TAS1R2: variants seen among roughly 807,000 people sequenced by gnomAD.
TAS1R2 encodes the protein taste 1 receptor member 2, also known as taste receptor type 1 member 2.
Under a neutral mutation model 49.3 loss-of-function variants are expected in TAS1R2, and 47 were observed. That is an observed-to-expected ratio of 0.95 (90% confidence interval 0.75 to 1.22). TAS1R2 has a LOEUF of 1.22. TAS1R2 is among the 50% of genes most tolerant of loss of function. The pLI, the probability that TAS1R2 is intolerant of heterozygous loss-of-function variation, is 0.00. For synonymous variants in TAS1R2, 479 were observed against 467.9 expected (o/e 1.02, Z -0.31); for missense variants, 1,155 against 1,122.1 (o/e 1.03, Z -0.42).
At chr1:18,849,268 G>A (rs1350314404) in intron 4 of TAS1R2, 73 bp downstream of exon 4, 7 of 1,511,950 alleles carry the variant, frequency 4.6e-6, no homozygotes, top group Non-Finnish European at 6.4e-6. Context: ...CTAATGAAAA[G>A]GGCCCTAGCC....
exon 6 of TAS1R2, chr1:18,839,934 G>A (rs1933784654): frequency 1.2e-6 from 2 of 1,614,124 alleles, no homozygotes; most frequent in South Asian, 1.1e-5. Context: ...GTGTTGAACA[G>A]CAGGCTGTTG....
chr1:18,853,964 G>A (rs894609318), intron 3 of TAS1R2, among the ~76,000 whole-genome samples: 3 of 152,192 alleles, frequency 2.0e-5, no homozygotes, highest in East Asian at 1.9e-4. Flanking sequence ...GGAGGGGGGC[G>A]CTGCCGTTCC....
Position 18,849,329 on chromosome 1 carries a change from C to T in TAS1R2, c.1467+12G>A, listed in dbSNP as rs768030858. Reference sequence around the variant, plus strand: ...CCCCAGGCCTGCCCACCCACCAGGCCCCCTGGCTGACCGTGTTGTTGATGG... The same window carrying T: ...CCCCAGGCCTGCCCACCCACCAGGCTCCCTGGCTGACCGTGTTGTTGATGG... On this transcript the variant is annotated intron_variant, in intron 4 of 5. Transcript: ENST00000375371. 8.7e-6 allele frequency: 14 copies of T among 1,613,406 alleles called. No individual in the cohort carries two copies. Among genetic ancestry groups the T allele is most frequent in the Middle Eastern group, 1.7e-4 (1 of 5,728 alleles).
chr1:18,853,152 G>A (rs1038252764), intron 3 of TAS1R2, among the ~76,000 whole-genome samples: 2 of 152,296 alleles, frequency 1.3e-5, no homozygotes, highest in South Asian at 2.1e-4. Context: ...GCGATCACGG[G>A]CTAGTCACAT....
chr1:18,856,096 A>T (rs1327031584), intron 2 of TAS1R2, among the ~76,000 whole-genome samples: 1 of 151,994 alleles, frequency 6.6e-6, no homozygotes, highest in African/African-American at 2.4e-5. Flanking sequence ...TCCTAACGTC[A>T]CCCAGGAAAA....
Position 18,854,525 on chromosome 1 carries a change from C to T in TAS1R2, c.945G>A (p.Glu315=). The T allele has an allele frequency of 6.2e-7, 1 of 1,613,856 alleles. No homozygotes were observed. Among genetic ancestry groups the T allele is most frequent in the Non-Finnish European group, 8.5e-7 (1 of 1,179,868 alleles). ...CCAGGAAGGTGCCCAAGTGGCGCAG[C>T]TCCGTGAGGTTGTGCAGGACCGGGT... Residue 315 remains glutamate (E), a synonymous_variant, in exon 3 of 6, where the codon GAG becomes GAA. Coordinates refer to ENST00000375371, the Ensembl canonical transcript of TAS1R2. This position sits in a 1 kb window ranked among gnomAD's most constrained non-coding sequence, Gnocchi z 4.9.
chr1:18,849,063 C>A (rs4920560), intron 4 of TAS1R2, among the ~76,000 whole-genome samples: 1 of 151,932 alleles, frequency 6.6e-6, no homozygotes, highest in South Asian at 2.1e-4. Flanking sequence ...GAATTGAAAT[C>A]ATTAGCACCA....
At position 18,841,868 on chromosome 1, in the gene TAS1R2, C is replaced by A. The variant is rs778594959; in HGVS notation, c.1468-16G>T. ...ACATAGGGATCTGGAGGGAGGAGGG[C>A]AAGAGACCCTGAGTCCTCTTTTCCC... On this transcript the variant is annotated splice_polypyrimidine_tract_variant and intron_variant, in intron 4 of 5. Transcript: ENST00000375371. 7.0e-6 allele frequency: 11 copies of A among 1,573,824 alleles called. No homozygotes were observed. In the African/African-American group the frequency reaches 1.2e-4, roughly 17 times the overall value.
chr1:18,854,751 A>G lies in TAS1R2; in HGVS notation c.719T>C (p.Leu240Pro). The G allele has an allele frequency of 6.2e-7, 1 of 1,611,258 alleles. No homozygotes were observed. The highest frequency in any genetic ancestry group is 8.5e-7 in the Non-Finnish European group (1 of 1,179,662). ...GTTCTGGTTGGGCTGCAGTGTGGGCAGCGTCTCCTGGAAGGCGATGCAGAT... is the reference window on the plus strand; with the variant it reads ...GTTCTGGTTGGGCTGCAGTGTGGGCGGCGTCTCCTGGAAGGCGATGCAGAT... The change falls in exon 3 of 6, where the codon CTG becomes CCG. Residue 240 changes from leucine to proline, a missense_variant. Leu to Pro is a moderately conservative substitution (Grantham distance 98). Transcript: ENST00000375371. The surrounding 1 kb of genome is among the most constrained non-coding windows in gnomAD (Gnocchi z 4.9).
exon 6 of TAS1R2, chr1:18,839,650 C>T (rs774217162): frequency 3.8e-5 from 62 of 1,613,986 alleles, no homozygotes; most frequent in South Asian, 3.1e-4. Flanking sequence ...AGTAGGCGGG[C>T]GTGTTGCGCT....
intron 3 of TAS1R2, among the ~76,000 whole-genome samples, chr1:18,851,013 C>T (rs1290664997): frequency 6.6e-6 from 1 of 152,206 alleles, no homozygotes; most frequent in Non-Finnish European, 1.5e-5. Flanking sequence ...TGATTCCTTC[C>T]ATTTAACAGA....
At chr1:18,852,191 T>C (rs1257381054) in intron 3 of TAS1R2, among the ~76,000 whole-genome samples, 2 of 151,578 alleles carry the variant, frequency 1.3e-5, no homozygotes, top group African/African-American at 4.9e-5. Context: ...CAATCACAAC[T>C]TGGGATACCT....
intron 1 of TAS1R2, 63 bp downstream of exon 1, chr1:18,859,416 G>A: frequency 6.3e-7 from 1 of 1,595,814 alleles, no homozygotes; most frequent in Non-Finnish European, 8.6e-7. Context: ...AGGACCCACA[G>A]GACCAGGCCT....
chr1:18,839,848 G>C, exon 6 of TAS1R2: 1 of 1,614,206 alleles, frequency 6.2e-7, no homozygotes. Context: ...ACTTGGCCTC[G>C]TTGTAGTTGG....
At chr1:18,851,708 C>A (rs986083494) in intron 3 of TAS1R2, among the ~76,000 whole-genome samples, 2 of 152,148 alleles carry the variant, frequency 1.3e-5, no homozygotes, top group Non-Finnish European at 1.5e-5. Flanking sequence ...TCTGACCCCA[C>A]CACCACCATC....
exon 6 of TAS1R2, chr1:18,840,060 C>T (rs1933788803): frequency 6.2e-7 from 1 of 1,614,200 alleles, no homozygotes; most frequent in Non-Finnish European, 8.5e-7. Context: ...ATTTTGAGTA[C>T]CGTGATAAAT....
At chr1:18,839,662 C>T (rs763888802) in exon 6 of TAS1R2, 20 of 1,614,018 alleles carry the variant, frequency 1.2e-5, no homozygotes, top group Non-Finnish European at 1.6e-5. Context: ...TGTTGCGCTC[C>T]GGGTAGAAGA....
chr1:18,841,285 A>G (rs918483146), intron 5 of TAS1R2, among the ~76,000 whole-genome samples: 2 of 152,236 alleles, frequency 1.3e-5, no homozygotes, highest in Admixed American at 6.5e-5. Flanking sequence ...CTGAGCAACT[A>G]TGCTATGCTT....
At chr1:18,853,963 C>T (rs1055981233) in intron 3 of TAS1R2, among the ~76,000 whole-genome samples, 4 of 152,184 alleles carry the variant, frequency 2.6e-5, no homozygotes, top group African/African-American at 7.2e-5. Context: ...GGGAGGGGGG[C>T]GCTGCCGTTC....
Sources: allele counts gnomAD v4.1 joint callset (sites outside exome capture counted in the v4.1 genomes callset), GRCh38; gene constraint gnomAD v4.1.1; non-coding constraint Gnocchi (gnomAD v3.1); transcripts MANE v1.5; gene names NCBI Gene and HGNC (gene_info 2026-07-23, HGNC 2026-07-21).